The following SLC14A2 variants were observed in gnomAD, a reference collection of about 807,000 sequenced individuals.
SLC14A2 encodes the protein solute carrier family 14 member 2.
A neutral mutation model predicts 104.6 loss-of-function variants in SLC14A2; 91 were observed. That is an observed-to-expected ratio of 0.87 (90% confidence interval 0.73 to 1.04). The LOEUF (loss-of-function observed/expected upper bound fraction) is 1.04, where lower values mean the gene tolerates loss of function less well. Among genes scored for constraint, SLC14A2 ranks in the 50% least tolerant of loss-of-function variants. SLC14A2 has a pLI of 0.00. For synonymous variants in SLC14A2, 476 were observed against 466.4 expected (o/e 1.02, Z -0.27); for missense variants, 1,189 against 1,156.0 (o/e 1.03, Z -0.41).
intron 1 of SLC14A2, among the ~76,000 whole-genome samples, chr18:45,471,694 G>C (rs761535036): frequency 3.3e-5 from 5 of 151,798 alleles, no homozygotes; most frequent in Admixed American, 1.3e-4. Flanking sequence ...TCACCGTCTT[G>C]TTGCTGCTGA....
chr18:45,345,441 C>T (rs559081254), intron 1 of SLC14A2, among the ~76,000 whole-genome samples: 99 of 152,174 alleles, frequency 6.5e-4, no homozygotes, highest in Admixed American at 1.2e-3. Context: ...GAAGCCTTCT[C>T]AGATCATGCC....
intron 1 of SLC14A2, among the ~76,000 whole-genome samples, chr18:45,220,665 C>T (rs1026146687): frequency 6.6e-6 from 1 of 152,158 alleles, no homozygotes; most frequent in Non-Finnish European, 1.5e-5. Context: ...CACTCGTGCC[C>T]TTTAATTGCA....
At chr18:45,462,704 C>A (rs1439167755) in intron 1 of SLC14A2, among the ~76,000 whole-genome samples, 1 of 152,140 alleles carries the variant, frequency 6.6e-6, no homozygotes, top group Admixed American at 6.5e-5. Flanking sequence ...TGGAAACAGG[C>A]GGCTTGACAC....
chr18:45,577,727 A>C (rs762276084), intron 2 of SLC14A2, among the ~76,000 whole-genome samples: 5 of 152,176 alleles, frequency 3.3e-5, no homozygotes, highest in Non-Finnish European at 7.4e-5. Flanking sequence ...GTACAGCAAC[A>C]TGTCCATAGT....
At chr18:45,360,102 C>T (rs912951497) in intron 1 of SLC14A2, among the ~76,000 whole-genome samples, 1 of 152,210 alleles carries the variant, frequency 6.6e-6, no homozygotes, top group South Asian at 2.1e-4. Flanking sequence ...CTCACCTCCT[C>T]CCTTCCCAGT....
Position 45,561,527 on chromosome 18 carries a change from T to C in SLC14A2, c.-34-63104T>C, listed in dbSNP as rs552082508. 1.6e-3 allele frequency among the ~76,000 whole-genome samples: 239 copies of C among 152,284 alleles called. 2 individuals are homozygous for C. The highest frequency in any genetic ancestry group is 5.7e-3 in the African/African-American group (235 of 41,560). On this transcript the variant is annotated intron_variant, in intron 2 of 20. Transcript: ENST00000586448. ...TATGCCAGGAGGAGGGGCAGCCCGTTGGGTGGCTATCATGCCTGACTCTAC... is the reference window on the plus strand; with the variant it reads ...TATGCCAGGAGGAGGGGCAGCCCGTCGGGTGGCTATCATGCCTGACTCTAC...
intron 1 of SLC14A2, among the ~76,000 whole-genome samples, chr18:45,464,336 C>T (rs1364501625): frequency 6.6e-6 from 1 of 152,114 alleles, no homozygotes; most frequent in Non-Finnish European, 1.5e-5. Context: ...GCTCTGAAAC[C>T]CCATGGACCT....
intron 16 of SLC14A2, among the ~76,000 whole-genome samples, chr18:45,670,821 C>T (rs548220495): frequency 3.4e-4 from 52 of 152,226 alleles, no homozygotes; most frequent in African/African-American, 1.3e-3. Context: ...CCACCAGGCC[C>T]AGCTAATTCT....
At chr18:45,439,115 T>A (rs1392257201) in intron 1 of SLC14A2, among the ~76,000 whole-genome samples, 1 of 152,050 alleles carries the variant, frequency 6.6e-6, no homozygotes, top group Non-Finnish European at 1.5e-5. Context: ...CCAGGTGCCA[T>A]CTCTATAAAA....
Position 45,662,453 on chromosome 18 carries a change from G to A in SLC14A2, c.1352-1332G>A, listed in dbSNP as rs528814517. Among the ~76,000 whole-genome samples, 5 of 152,266 alleles carry A rather than the reference G, an allele frequency of 3.3e-5. No homozygotes were observed. In the East Asian group the frequency reaches 7.7e-4, roughly 23 times the overall value. On this transcript the variant is annotated intron_variant, in intron 10 of 19. Coordinates refer to ENST00000255226, the MANE Select transcript of SLC14A2 (RefSeq NM_007163.4). ...CCCCAGTGCTTTCCAGCTTTCGTAT[G>A]CACACGAATCAGCTGGAGATCTTGT... is the stretch of plus-strand genomic sequence containing the variant.
At chr18:45,277,243 T>TA in intron 1 of SLC14A2, among the ~76,000 whole-genome samples, 1 of 152,302 alleles carries the variant, frequency 6.6e-6, no homozygotes, top group Non-Finnish European at 1.5e-5. Flanking sequence ...TTTATGAATT[T>TA]AAAAATCCAA....
At chr18:45,194,372 A>C in the SLC14A2 span, among the ~76,000 whole-genome samples, 1 of 152,210 alleles carries the variant, frequency 6.6e-6, no homozygotes, top group Non-Finnish European at 1.5e-5. Flanking sequence ...GTCCTCTTCT[A>C]TTCCTAATTT....
intron 1 of SLC14A2, among the ~76,000 whole-genome samples, chr18:45,325,790 AT>A (rs2085228629): frequency 6.6e-6 from 1 of 152,154 alleles, no homozygotes. Context: ...ATGCATGTTA[AT>A]TTATCCAGGG....
At chr18:45,334,542 T>C (rs964791418) in intron 1 of SLC14A2, among the ~76,000 whole-genome samples, 2 of 152,230 alleles carry the variant, frequency 1.3e-5, no homozygotes, top group Admixed American at 1.3e-4. Flanking sequence ...CGTATAAATG[T>C]ATTTACTTCT....
chr18:45,562,649 G>A (rs140613042), intron 2 of SLC14A2, among the ~76,000 whole-genome samples: 5 of 152,228 alleles, frequency 3.3e-5, no homozygotes, highest in South Asian at 4.2e-4. Flanking sequence ...CCGGGCAGCC[G>A]GCCTGGGTGG....
intron 2 of SLC14A2, among the ~76,000 whole-genome samples, chr18:45,535,033 A>G (rs934596610): frequency 3.3e-5 from 5 of 152,208 alleles, no homozygotes; most frequent in African/African-American, 1.2e-4. Context: ...GATGTCTGTA[A>G]TTCTTGCCCA....
intron 1 of SLC14A2, among the ~76,000 whole-genome samples, chr18:45,411,408 G>A (rs901636599): frequency 3.3e-5 from 5 of 152,152 alleles, no homozygotes; most frequent in Non-Finnish European, 7.4e-5. Flanking sequence ...ACTTTATTTT[G>A]TTAAAAACTC....
chr18:45,470,789 A>C (rs1458053427), intron 1 of SLC14A2, among the ~76,000 whole-genome samples: 1 of 152,050 alleles, frequency 6.6e-6, no homozygotes, highest in African/African-American at 2.4e-5. Context: ...TGATGATGAT[A>C]TTTCTGCTAA....
chr18:45,638,657 C>T (rs1408122421), intron 6 of SLC14A2, among the ~76,000 whole-genome samples: 2 of 152,154 alleles, frequency 1.3e-5, no homozygotes, highest in Admixed American at 1.3e-4. Context: ...GTTTGGGAAC[C>T]ACTGACCTAA....
Sources: allele counts gnomAD v4.1 joint callset (sites outside exome capture counted in the v4.1 genomes callset), GRCh38; gene constraint gnomAD v4.1.1; transcripts MANE v1.5; gene names NCBI Gene and HGNC (gene_info 2026-07-23, HGNC 2026-07-21).